Variants in MYO10 observed in about 807,000 individuals in gnomAD.
MYO10 encodes myosin X.
Under a neutral mutation model 257.3 loss-of-function variants are expected in MYO10, and 133 were observed. The ratio of observed to expected loss-of-function variants is 0.52; its 90% CI spans 0.45 to 0.60. MYO10 has a LOEUF of 0.60. MYO10 is among the 20% of genes least tolerant of loss of function. The pLI is 0.00. For missense variants in MYO10, 2,399 were observed against 2,635.7 expected, an observed-to-expected ratio of 0.91 and a Z score of 1.97; for synonymous variants, 1,104 against 1,028.6, an observed-to-expected ratio of 1.07 and a Z score of -1.40.
intron 2 of MYO10, among the ~76,000 whole-genome samples, chr5:16,823,467 G>GGGGGGGTTTTTTTTTTT (rs1561003861): frequency 2.5e-4 from 1 of 3,976 alleles, no homozygotes; most frequent in Non-Finnish European, 5.8e-4. Flanking sequence ...GGGGAGTGGG[G>GGGGGGGTTTTTTTTTTT]ATTTTTTTTT....
chr5:16,758,118 C>T lies in MYO10; in HGVS notation c.1848G>A (p.Lys616=), dbSNP rs2126646386. 6.2e-7 allele frequency: 1 copy of T among 1,600,726 alleles called. No individual in the cohort carries two copies. Among genetic ancestry groups the T allele is most frequent in the East Asian group, 2.2e-5 (1 of 44,818 alleles). Residue 616 remains lysine (K), a splice_region_variant and synonymous_variant, in exon 18 of 41, where the codon AAG becomes AAA. Coordinates refer to ENST00000513610, the MANE Select transcript of MYO10 (RefSeq NM_012334.3). ...CTCTAAGCCAGCAGTGAAAACGAACCTTGAACTGTGAGCTGACTGTAGGCC... is the reference window on the plus strand; with the variant it reads ...CTCTAAGCCAGCAGTGAAAACGAACTTTGAACTGTGAGCTGACTGTAGGCC... ...HRRPTVSSQF[K]DSLHSLMATL...
chr5:16,738,312 G>C, intron 19 of MYO10: 2 of 985,570 alleles, frequency 2.0e-6, no homozygotes, highest in Non-Finnish European at 2.4e-6. Context: ...CCTGGGAGCA[G>C]GGGTGGGGAT....
At chr5:16,925,517 T>G (rs1243449278) in intron 1 of MYO10, among the ~76,000 whole-genome samples, 1 of 152,024 alleles carries the variant, frequency 6.6e-6, no homozygotes, top group Non-Finnish European at 1.5e-5. Context: ...TTCAAGCAAT[T>G]CTCCTGCCTC....
chr5:16,684,993 C>T (rs562448594), intron 29 of MYO10, among the ~76,000 whole-genome samples: 4 of 152,052 alleles, frequency 2.6e-5, no homozygotes, highest in African/African-American at 9.6e-5. Flanking sequence ...TTGCAGTGAA[C>T]TGAGATCTCG....
At chr5:16,768,538 TGGC>T (rs1363160100) in intron 10 of MYO10, among the ~76,000 whole-genome samples, 6 of 152,142 alleles carry the variant, frequency 3.9e-5, no homozygotes, top group African/African-American at 1.4e-4. Flanking sequence ...AAAGAGAAAA[TGGC>T]TGCTATCCCA....
intron 3 of MYO10, among the ~76,000 whole-genome samples, chr5:16,805,458 CAAAAAA>C (rs36126574): frequency 7.8e-4 from 61 of 78,340 alleles, no homozygotes; most frequent in East Asian, 4.5e-3. Flanking sequence ...GACTCCATCT[CAAAAAA>C]AAAAAAAAAA....
At chr5:16,822,417 A>G (rs1742847636) in intron 2 of MYO10, among the ~76,000 whole-genome samples, 1 of 152,184 alleles carries the variant, frequency 6.6e-6, no homozygotes, top group African/African-American at 2.4e-5. Flanking sequence ...AGGGAAGAAA[A>G]TAAAAAACAA....
intron 19 of MYO10, chr5:16,741,699 A>G: frequency 1.3e-6 from 1 of 788,474 alleles, no homozygotes; most frequent in Non-Finnish European, 1.5e-6. Context: ...CTGGAGAAAC[A>G]GCAAAATCTG....
intron 40 of MYO10, 146 bp downstream of exon 40, chr5:16,668,131 G>T: frequency 2.5e-6 from 2 of 797,016 alleles, no homozygotes; most frequent in South Asian, 2.5e-5. Flanking sequence ...ACCGGCAGCT[G>T]GAAAGGGACC....
chr5:16,699,358 C>T, intron 26 of MYO10, 92 bp downstream of exon 26: 1 of 1,482,634 alleles, frequency 6.7e-7, no homozygotes, highest in South Asian at 1.3e-5. Flanking sequence ...TACAATAACA[C>T]CTCCGTTATT....
In MYO10 at chr5:16,701,048, T is replaced by C; in HGVS notation, c.3347A>G (p.Gln1116Arg). Residue 1116 changes from glutamine (Q) to arginine (R), a missense_variant, in exon 25 of 41, where the codon CAG (glutamine) becomes CGG (arginine). By Grantham distance (43) the Gln-to-Arg change is conservative. This residue lies in a region of MYO10 where 1,820 missense variants were observed against 1,939.4 expected (regional missense o/e 0.94). Coordinates refer to ENST00000513610, the MANE Select transcript of MYO10 (RefSeq NM_012334.3). This position sits in a 1 kb window ranked among gnomAD's most constrained non-coding sequence, Gnocchi z 8.1. Reference sequence around the variant, plus strand: ...AGAGCAGCGGTAGTCGGGGGACCACTGGCTGCCGTAGGAGTTGGAGAAGGT... The same window carrying C: ...AGAGCAGCGGTAGTCGGGGGACCACCGGCTGCCGTAGGAGTTGGAGAAGGT... ...SVTFSNSYGS[Q>R]WSPDYRCSVG... The C allele has an allele frequency of 6.4e-7, 1 of 1,565,956 alleles. No homozygotes were observed. Among genetic ancestry groups the C allele is most frequent in the Non-Finnish European group, 8.7e-7 (1 of 1,155,844 alleles).
intron 19 of MYO10, among the ~76,000 whole-genome samples, chr5:16,745,889 T>C (rs987263900): frequency 5.3e-5 from 8 of 152,094 alleles, no homozygotes; most frequent in Non-Finnish European, 1.2e-4. Context: ...ATGCTGAAAC[T>C]GGGATGTGTC....
chr5:16,763,537 C>T lies in MYO10; in HGVS notation c.1438G>A (p.Val480Met), dbSNP rs1273101687. Residue 480 changes from valine (V) to methionine (M), a missense_variant, in exon 14 of 41, where the codon GTG becomes ATG. Physicochemically the swap from Val to Met is conservative, Grantham distance 21. Transcript: ENST00000513610. ...EQLEYSREGLVWEDIDWIDNG... is the reference protein window; with the variant it reads ...EQLEYSREGLMWEDIDWIDNG... ...TCTATCCAGTCAATATCTTCCCACA[C>T]TAATCCTTCCCTGTAGAAAGATTTT... 1.2e-6 allele frequency: 2 copies of T among 1,611,196 alleles called. No individual in the cohort carries two copies. The highest frequency in any genetic ancestry group is 8.5e-7 in the Non-Finnish European group (1 of 1,177,486).
intron 19 of MYO10, among the ~76,000 whole-genome samples, chr5:16,719,120 A>G (rs1457510519): frequency 6.6e-6 from 1 of 150,936 alleles, no homozygotes; most frequent in Non-Finnish European, 1.5e-5. Context: ...TGCTTTTATG[A>G]GCTGTAACAC....
chr5:16,933,461 C>A (rs1213792625), intron 1 of MYO10, among the ~76,000 whole-genome samples: 3 of 152,198 alleles, frequency 2.0e-5, no homozygotes, highest in Non-Finnish European at 4.4e-5. Context: ...TAATTTTTCC[C>A]CAATTGTTAG....
In MYO10 at chr5:16,754,839, T is replaced by C. The variant is rs1740481518; in HGVS notation, c.1918A>G (p.Asn640Asp). Reference sequence around the variant, plus strand: ...GTCATCAATCTTACCTTCTGCATGTTTGGCTTGATACAGCGAACAAAGAAA... The same window carrying C: ...GTCATCAATCTTACCTTCTGCATGTCTGGCTTGATACAGCGAACAAAGAAA... ...NPFFVRCIKPNMQKMPDQFDQ... is the reference protein window; with the variant it reads ...NPFFVRCIKPDMQKMPDQFDQ... The change falls in exon 19 of 41, where the codon AAC (asparagine) becomes GAC (aspartate). Residue 640 changes from asparagine (N) to aspartate (D), a missense_variant. By Grantham distance (23) the Asn-to-Asp change is conservative (BLOSUM62 1). Coordinates refer to ENST00000513610, the MANE Select transcript of MYO10 (RefSeq NM_012334.3). 2 of 1,602,538 alleles carry C rather than the reference T, an allele frequency of 1.2e-6. No individual in the cohort carries two copies. The highest frequency in any genetic ancestry group is 8.5e-7 in the Non-Finnish European group (1 of 1,172,566).
At chr5:16,933,348 C>T (rs567870823) in intron 1 of MYO10, among the ~76,000 whole-genome samples, 1 of 152,296 alleles carries the variant, frequency 6.6e-6, no homozygotes, top group Admixed American at 6.5e-5. Flanking sequence ...GTTTGAGAAA[C>T]CCTGGTCTAG....
rs568117032 is a variant in MYO10, at chr5:16,697,872, GC to G, written c.3556+1577del. Among the ~76,000 whole-genome samples, 4 of 152,220 alleles carry G rather than the reference GC, an allele frequency of 2.6e-5. No homozygotes were observed. In the South Asian group the frequency reaches 8.3e-4, roughly 32 times the overall value. ...TGGGGAGGAAGGTTCTCATATCCCT[GC>G]CCATCTCCACCTTCTCGACTCTCTC... On this transcript the variant is annotated intron_variant, in intron 26 of 40. Transcript: ENST00000513610.
intron 21 of MYO10, 27 bp downstream of exon 21, chr5:16,710,881 G>T: frequency 6.3e-7 from 1 of 1,582,892 alleles, no homozygotes; most frequent in Non-Finnish European, 8.7e-7. Flanking sequence ...GGGATTCGGT[G>T]GGAGTTGCTC....
Sources: allele counts gnomAD v4.1 joint callset (sites outside exome capture counted in the v4.1 genomes callset), GRCh38; gene constraint gnomAD v4.1.1; regional missense constraint gnomAD v4.1.1; non-coding constraint Gnocchi (gnomAD v3.1); transcripts MANE v1.5; gene names NCBI Gene and HGNC (gene_info 2026-07-23, HGNC 2026-07-21).